VWA8: variants seen among roughly 807,000 people sequenced by gnomAD.
The protein encoded by VWA8 is von Willebrand factor A domain containing 8, also known as von Willebrand factor A domain-containing protein 8.
In VWA8, 221 loss-of-function variants were observed where a neutral mutation model predicts 241.5. The observed-to-expected ratio is 0.91, with a 90% CI of 0.82 to 1.02. The LOEUF (loss-of-function observed/expected upper bound fraction) is 1.02. VWA8 is among the 50% of genes least tolerant of loss of function. VWA8 has a pLI of 0.00. For missense variants in VWA8, 2,322 were observed against 2,328.7 expected, an observed-to-expected ratio of 1.00 and a Z score of 0.06; for synonymous variants, 852 against 827.1, an observed-to-expected ratio of 1.03 and a Z score of -0.52.
intron 1 of VWA8, 21 bp downstream of exon 1, chr13:41,960,832 C>A: frequency 6.6e-7 from 1 of 1,514,606 alleles, no homozygotes; most frequent in Non-Finnish European, 8.8e-7. Context: ...CCAGGGAGGA[C>A]AGGGGCGCAC....
chr13:41,937,467 G>A (rs1877402144), intron 2 of VWA8, among the ~76,000 whole-genome samples: 1 of 152,118 alleles, frequency 6.6e-6, no homozygotes, highest in Non-Finnish European at 1.5e-5. Context: ...TTACCAGTAG[G>A]GTTTGTCCTC....
intron 43 of VWA8, among the ~76,000 whole-genome samples, chr13:41,571,327 CG>C (rs1344094343): frequency 1.0e-3 from 104 of 99,618 alleles, no homozygotes; most frequent in African/African-American, 3.7e-3. Context: ...CTCCCTCTCC[CG>C]TCTCCCTCTC....
At chr13:41,931,445 T>C (rs1877116840) in intron 2 of VWA8, among the ~76,000 whole-genome samples, 1 of 151,466 alleles carries the variant, frequency 6.6e-6, no homozygotes, top group South Asian at 2.1e-4. Context: ...CAGGTCAGAG[T>C]ATTTAAATAG....
Position 41,746,663 on chromosome 13 carries a change from G to A in VWA8, c.2426+14465C>T, listed in dbSNP as rs184740519. ...ACTGATGACACTCCTCAAAGGAGGT[G>A]TGATTGAGCATCAAAGTAAGTGTAA... On this transcript the variant is annotated intron_variant, in intron 21 of 44. Transcript: ENST00000379310. Among the ~76,000 whole-genome samples, 148 of 152,332 alleles carry A rather than the reference G, an allele frequency of 9.7e-4. 1 individual carries two copies. Among genetic ancestry groups the A allele is most frequent in the Middle Eastern group, 6.8e-3 (2 of 294 alleles).
At chr13:41,816,461 A>G (rs1870697598) in intron 16 of VWA8, among the ~76,000 whole-genome samples, 2 of 152,212 alleles carry the variant, frequency 1.3e-5, no homozygotes, top group Admixed American at 6.5e-5. Context: ...CCCCATGAAC[A>G]TGAAGTACTC....
At chr13:41,815,945 C>G (rs1193229398) in intron 16 of VWA8, among the ~76,000 whole-genome samples, 1 of 152,084 alleles carries the variant, frequency 6.6e-6, no homozygotes, top group East Asian at 1.9e-4. Flanking sequence ...GTAAAGACAG[C>G]AGGAAAGCAA....
chr13:41,720,545 C>T (rs557754429), intron 25 of VWA8, among the ~76,000 whole-genome samples: 1 of 152,188 alleles, frequency 6.6e-6, no homozygotes, highest in African/African-American at 2.4e-5. Flanking sequence ...TATGGTACAA[C>T]CATTACTTAA....
intron 37 of VWA8, among the ~76,000 whole-genome samples, chr13:41,640,040 T>C (rs1183843960): frequency 6.6e-6 from 1 of 152,206 alleles, no homozygotes; most frequent in Non-Finnish European, 1.5e-5. Flanking sequence ...GTCACATCAC[T>C]ACTCTACGAT....
At position 41,865,886 on chromosome 13, in the gene VWA8, A is replaced by C. The variant is rs753996926; in HGVS notation, c.1347+16T>G. On this transcript the variant is annotated intron_variant, in intron 11 of 44. Transcript: ENST00000379310. ...GCCAGGAAACTAAAAGTCTGCAGTG[A>C]GACTGTCATTCTTACCTTTCCTCCA... 3 of 1,614,116 alleles carry C rather than the reference A, an allele frequency of 1.9e-6. No homozygotes were observed. The highest frequency in any genetic ancestry group is 1.3e-5 in the African/African-American group (1 of 74,948).
At position 41,783,807 on chromosome 13, in the gene VWA8, A is replaced by G; in HGVS notation, c.2265T>C (p.Tyr755=). The change falls in exon 19 of 45, where the codon TAT becomes TAC. Residue 755 remains tyrosine (Y), a synonymous_variant. Coordinates refer to ENST00000379310, the MANE Select transcript of VWA8 (RefSeq NM_015058.2). The part of the protein sequence containing the change: ...EKMKVPDVLF[Y]DNIQHVIVME... ...GCAATACTCTTACCTGAATGTTGTC[A>G]TAGAAAAGAACATCAGGCACTTTCA... The G allele has an allele frequency of 6.2e-7, 1 of 1,612,820 alleles. No individual in the cohort carries two copies. The highest frequency in any genetic ancestry group is 8.5e-7 in the Non-Finnish European group (1 of 1,179,194).
Position 41,666,502 on chromosome 13 carries a change from G to C in VWA8, c.4611+4444C>G, listed in dbSNP as rs374546502. On this transcript the variant is annotated intron_variant, in intron 37 of 44. Transcript: ENST00000379310. ...CCATAAATAAGCAAGTGGCATGATAGAGCTAAACTATATCAGCCTATGAGA... is the reference window on the plus strand; with the variant it reads ...CCATAAATAAGCAAGTGGCATGATACAGCTAAACTATATCAGCCTATGAGA... Among the ~76,000 whole-genome samples the C allele has an allele frequency of 7.2e-5, 11 of 152,240 alleles. No individual in the cohort carries two copies. In the East Asian group the frequency reaches 1.2e-3, roughly 16 times the overall value.
intron 2 of VWA8, chr13:41,926,909 C>T (rs1358938660): frequency 1.8e-6 from 1 of 570,056 alleles, no homozygotes; most frequent in Non-Finnish European, 3.5e-6. Flanking sequence ...CAGCCAGGCT[C>T]CTTGACAAGC....
At chr13:41,754,951 T>C (rs1313070598) in intron 21 of VWA8, among the ~76,000 whole-genome samples, 1 of 152,104 alleles carries the variant, frequency 6.6e-6, no homozygotes, top group Non-Finnish European at 1.5e-5. Flanking sequence ...CTTTTTTTTA[T>C]GGCCGAATAG....
intron 4 of VWA8, among the ~76,000 whole-genome samples, chr13:41,895,831 C>CTTTTTTT (rs59080554): frequency 2.3e-5 from 3 of 129,992 alleles, no homozygotes; most frequent in East Asian, 2.2e-4. Flanking sequence ...TGCAAATTTT[C>CTTTTTTT]TTTTTTTTTT....
At chr13:41,763,322 T>TA (rs1435892770) in intron 20 of VWA8, among the ~76,000 whole-genome samples, 1 of 146,510 alleles carries the variant, frequency 6.8e-6, no homozygotes, top group Non-Finnish European at 1.5e-5. Context: ...GATAGATAGA[T>TA]AGATAGATAG....
rs187638082 is a variant in VWA8 at position 41,622,897 on chromosome 13, T to C, written c.4612-7813A>G. On this transcript the variant is annotated intron_variant, in intron 37 of 44. Transcript: ENST00000379310. ...ATGACTGGACAACACAGCTGGAGAC[T>C]AGTGTGGCAAAGCAGACATTTCTCA... 9.1e-4 allele frequency among the ~76,000 whole-genome samples: 138 copies of C among 152,350 alleles called. 1 individual carries two copies. In the South Asian group the frequency reaches 0.014, roughly 16 times the overall value.
intron 12 of VWA8, among the ~76,000 whole-genome samples, chr13:41,838,967 G>A (rs1165693299): frequency 6.6e-6 from 1 of 152,164 alleles, no homozygotes; most frequent in Non-Finnish European, 1.5e-5. Flanking sequence ...ATGTGCGCAT[G>A]TGTCTTTATA....
At chr13:41,830,868 T>C (rs1474940971) in intron 13 of VWA8, among the ~76,000 whole-genome samples, 7 of 151,400 alleles carry the variant, frequency 4.6e-5, no homozygotes, top group Admixed American at 1.3e-4. Flanking sequence ...GATAGGGATA[T>C]GAAAGAGGGG....
At chr13:41,574,147 AAATC>A (rs1176820551) in intron 43 of VWA8, among the ~76,000 whole-genome samples, 1 of 151,044 alleles carries the variant, frequency 6.6e-6, no homozygotes, top group East Asian at 1.9e-4. Flanking sequence ...AACAAAACAA[AAATC>A]AACATTAAAG....
Sources: gnomAD v4.1 joint callset for allele counts (sites outside exome capture counted in the v4.1 genomes callset) on GRCh38, gnomAD v4.1.1 for gene constraint, MANE v1.5 for transcripts, NCBI Gene and HGNC (gene_info 2026-07-23, HGNC 2026-07-21) for gene names.